ADAMTS3: variants seen among roughly 807,000 people sequenced by gnomAD.
ADAMTS3 encodes the protein ADAM metallopeptidase with thrombospondin type 1 motif 3.
In ADAMTS3, 73 loss-of-function variants were observed where a neutral mutation model predicts 129.0. That is an observed-to-expected ratio of 0.57 (90% CI 0.47 to 0.69). The LOEUF is 0.69. Ranked by LOEUF, ADAMTS3 falls within the 30% of genes least tolerant of loss-of-function variation. The pLI, the probability that ADAMTS3 is intolerant of heterozygous loss-of-function variation, is 0.00. For missense variants in ADAMTS3, 1,457 were observed against 1,514.5 expected (o/e 0.96, Z 0.63); for synonymous variants, 477 against 510.8 (o/e 0.93, Z 0.89).
At chr4:72,476,924 A>T (rs747249699) in intron 3 of ADAMTS3, among the ~76,000 whole-genome samples, 34 of 152,336 alleles carry the variant, frequency 2.2e-4, no homozygotes, top group Middle Eastern at 3.4e-3. Context: ...ATATCAAATG[A>T]TGCAGAAAAT....
At chr4:72,351,503 A>G (rs1720435276) in intron 4 of ADAMTS3, among the ~76,000 whole-genome samples, 3 of 151,620 alleles carry the variant, frequency 2.0e-5, no homozygotes, top group Admixed American at 2.0e-4. Context: ...TGCAACACAC[A>G]GTATCATATG....
intron 4 of ADAMTS3, among the ~76,000 whole-genome samples, chr4:72,400,166 T>C (rs776269725): frequency 2.1e-5 from 3 of 144,904 alleles, no homozygotes; most frequent in African/African-American, 5.1e-5. Context: ...TATATGTGTG[T>C]ATATATGCAC....
intron 4 of ADAMTS3, among the ~76,000 whole-genome samples, chr4:72,360,317 A>G (rs1275062979): frequency 6.6e-6 from 1 of 152,044 alleles, no homozygotes; most frequent in African/African-American, 2.4e-5. Flanking sequence ...CAGTCTACTG[A>G]AAAGGACACA....
intron 3 of ADAMTS3, among the ~76,000 whole-genome samples, chr4:72,516,978 T>C (rs1213424975): frequency 6.6e-6 from 1 of 152,178 alleles, no homozygotes; most frequent in Non-Finnish European, 1.5e-5. Context: ...TGAGTTTGCA[T>C]AGATAGCTCT....
rs1277095357 is a variant in ADAMTS3 at position 72,456,037 on chromosome 4, T to C, written c.505-41066A>G. Among the ~76,000 whole-genome samples the C allele has an allele frequency of 3.8e-5, 2 of 52,358 alleles. 1 individual carries two copies. Among genetic ancestry groups the C allele is most frequent in the African/African-American group, 1.3e-4 (2 of 15,312 alleles). 34.3% of individuals were successfully genotyped at this position (52,358 alleles called of 152,430 possible). A position where few individuals can be genotyped will look rare whatever the true frequency, so the allele number is the denominator to read the frequency against. On this transcript the variant is annotated intron_variant, in intron 3 of 21. Coordinates refer to ENST00000286657, the MANE Select transcript of ADAMTS3 (RefSeq NM_014243.3). ...ATATACTATATATATATTTTACATATAGTATATATACTATATATATATTTT... is the reference window on the plus strand; with the variant it reads ...ATATACTATATATATATTTTACATACAGTATATATACTATATATATATTTT...
intron 2 of ADAMTS3, among the ~76,000 whole-genome samples, chr4:72,557,531 A>G (rs891613312): frequency 1.3e-5 from 2 of 151,862 alleles, no homozygotes; most frequent in African/African-American, 2.4e-5. Flanking sequence ...TTTTCATAGT[A>G]TAATATTTTT....
intron 17 of ADAMTS3, among the ~76,000 whole-genome samples, chr4:72,301,839 T>C (rs977573791): frequency 6.6e-6 from 1 of 152,020 alleles, no homozygotes; most frequent in Non-Finnish European, 1.5e-5. Flanking sequence ...AGTTTGGAAC[T>C]TTCAGAGCCG....
chr4:72,525,864 AAAT>A (rs777097590), intron 3 of ADAMTS3, among the ~76,000 whole-genome samples: 2 of 152,192 alleles, frequency 1.3e-5, no homozygotes, highest in Non-Finnish European at 2.9e-5. Context: ...TTCCAGGCAA[AAAT>A]TACTCTGAAC....
intron 3 of ADAMTS3, among the ~76,000 whole-genome samples, chr4:72,497,384 T>C (rs1337546347): frequency 4.6e-5 from 7 of 151,970 alleles, no homozygotes; most frequent in Non-Finnish European, 1.0e-4. Context: ...TCACTACTTC[T>C]GTTCTACAGA....
rs184488890 is a variant in ADAMTS3, at chr4:72,495,536, A to G, written c.504+52942T>C. ...AGACACTGACTACCTTTTTACAAAGAAAAAAAGAGACATTATTTGTCAAAC... is the reference window on the plus strand; with the variant it reads ...AGACACTGACTACCTTTTTACAAAGGAAAAAAGAGACATTATTTGTCAAAC... On this transcript the variant is annotated intron_variant, in intron 3 of 21. Transcript: ENST00000286657. 3.9e-5 allele frequency among the ~76,000 whole-genome samples: 6 copies of G among 152,298 alleles called. No homozygotes were observed. In the East Asian group the frequency reaches 1.2e-3, roughly 29 times the overall value.
rs770058258 is a variant in ADAMTS3 at position 72,548,802 on chromosome 4, A to G, written c.180T>C (p.Thr60=). The G allele has an allele frequency of 1.2e-6, 2 of 1,613,946 alleles. No homozygotes were observed. Among genetic ancestry groups the G allele is most frequent in the African/African-American group, 2.7e-5 (2 of 75,030 alleles). ...TNLEGRYLSH[T]LSASHKKRSA... ...ACCTCTTTTTGTGACTCGCAGAAAG[A>G]GTATGGGAGAGATAGCGTCCTTCTA... Residue 60 remains threonine, a synonymous_variant, in exon 3 of 22, where the codon ACT becomes ACC. Coordinates refer to ENST00000286657, the MANE Select transcript of ADAMTS3 (RefSeq NM_014243.3).
intron 3 of ADAMTS3, among the ~76,000 whole-genome samples, chr4:72,484,877 G>A (rs746213523): frequency 3.3e-5 from 5 of 151,626 alleles, no homozygotes; most frequent in African/African-American, 4.8e-5. Flanking sequence ...AAATGCCAGA[G>A]TATAAACGAC....
intron 3 of ADAMTS3, among the ~76,000 whole-genome samples, chr4:72,502,188 A>T (rs1720044350): frequency 6.6e-6 from 1 of 152,068 alleles, no homozygotes; most frequent in Non-Finnish European, 1.5e-5. Flanking sequence ...CAGTATGATT[A>T]GTGCCAGGTC....
At position 72,283,017 on chromosome 4, in the gene ADAMTS3, T is replaced by G; in HGVS notation, c.*119A>C. 1 of 857,226 alleles carries G rather than the reference T, an allele frequency of 1.2e-6. No homozygotes were observed. Among genetic ancestry groups the G allele is most frequent in the Non-Finnish European group, 1.8e-6 (1 of 557,936 alleles). The allele number at this position is 857,226 out of a possible 1,614,324, so 53.1% of individuals were successfully genotyped here. A position where few individuals can be genotyped will look rare whatever the true frequency, so the allele number is the denominator to read the frequency against. On this transcript the variant is annotated 3_prime_UTR_variant, in exon 22 of 22. Coordinates refer to ENST00000286657, the MANE Select transcript of ADAMTS3 (RefSeq NM_014243.3). ...AGCCAGCACTTTCTGTTCTTCCAAT[T>G]ACAGATAAAATGAGCTGACGATCTA...
At chr4:72,443,973 T>C (rs1718185981) in intron 3 of ADAMTS3, among the ~76,000 whole-genome samples, 1 of 151,646 alleles carries the variant, frequency 6.6e-6, no homozygotes, top group African/African-American at 2.4e-5. Flanking sequence ...GGGGCCAAAA[T>C]AAACAGACAA....
chr4:72,474,034 C>A (rs1354557233), intron 3 of ADAMTS3, among the ~76,000 whole-genome samples: 1 of 152,174 alleles, frequency 6.6e-6, no homozygotes, highest in Non-Finnish European at 1.5e-5. Context: ...TTTATCTACA[C>A]CTGGCAGTAA....
At chr4:72,534,742 G>A (rs767447743) in intron 3 of ADAMTS3, among the ~76,000 whole-genome samples, 31 of 152,164 alleles carry the variant, frequency 2.0e-4, no homozygotes, top group Non-Finnish European at 4.6e-4. Context: ...TAGCAACATA[G>A]TGCCATGAAT....
intron 4 of ADAMTS3, among the ~76,000 whole-genome samples, chr4:72,370,198 C>G (rs564020195): frequency 6.6e-6 from 1 of 152,080 alleles, no homozygotes; most frequent in Non-Finnish European, 1.5e-5. Context: ...TCCCAGCCTG[C>G]GCCGAAGATT....
At chr4:72,435,011 TC>T (rs953730910) in intron 3 of ADAMTS3, among the ~76,000 whole-genome samples, 15 of 151,872 alleles carry the variant, frequency 9.9e-5, no homozygotes, top group African/African-American at 3.6e-4. Flanking sequence ...TGAAAGTGAT[TC>T]TTCCCAAATT....
Sources: gnomAD v4.1 joint callset for allele counts (sites outside exome capture counted in the v4.1 genomes callset) on GRCh38, gnomAD v4.1.1 for gene constraint, MANE v1.5 for transcripts, NCBI Gene and HGNC (gene_info 2026-07-23, HGNC 2026-07-21) for gene names.